The following PDE4D variants were observed in gnomAD, a reference collection of about 807,000 sequenced individuals.
The protein encoded by PDE4D is phosphodiesterase 4D, also known as 3',5'-cyclic-AMP phosphodiesterase 4D.
In PDE4D, 24 loss-of-function variants were observed where a neutral mutation model predicts 87.4. The observed-to-expected ratio is 0.27, with a 90% CI of 0.20 to 0.39. PDE4D has a LOEUF of 0.39. Among genes scored for constraint, PDE4D ranks in the 10% least tolerant of loss-of-function variants. PDE4D has a pLI of 1.00. For synonymous variants in PDE4D, 384 were observed against 383.2 expected (o/e 1.00, Z -0.02); for missense variants, 714 against 1,041.0 (o/e 0.69, Z 4.32).
At chr5:59,771,499 G>GAGAGAGAGAAGAAAGAAAGAAAGA (rs1554081503) in intron 1 of PDE4D, among the ~76,000 whole-genome samples, 4 of 19,726 alleles carry the variant, frequency 2.0e-4, no homozygotes, top group Non-Finnish European at 3.6e-4. Context: ...GAGAGAGAGA[G>GAGAGAGAGAAGAAAGAAAGAAAGA]AAGAAAGAAA....
intron 1 of PDE4D, among the ~76,000 whole-genome samples, chr5:59,845,876 G>C (rs947136643): frequency 2.0e-5 from 3 of 151,986 alleles, no homozygotes; most frequent in Non-Finnish European, 4.4e-5. Flanking sequence ...TTTTCCCTGG[G>C]TTTCAAAGCC....
At chr5:60,299,260 A>G (rs953570458) in intron 1 of PDE4D, among the ~76,000 whole-genome samples, 1 of 152,252 alleles carries the variant, frequency 6.6e-6, no homozygotes, top group Non-Finnish European at 1.5e-5. Context: ...TCAATTCCAT[A>G]ATCTTAAGAG....
chr5:60,005,000 C>A (rs1764338843), intron 2 of PDE4D, among the ~76,000 whole-genome samples: 1 of 152,166 alleles, frequency 6.6e-6, no homozygotes, highest in Admixed American at 6.6e-5. Flanking sequence ...GATGTCTGCA[C>A]TGTCGTCTTC....
At chr5:60,347,949 G>A (rs922737433) in intron 1 of PDE4D, among the ~76,000 whole-genome samples, 1 of 152,100 alleles carries the variant, frequency 6.6e-6, no homozygotes, top group Non-Finnish European at 1.5e-5. Flanking sequence ...TGCCGTTTTT[G>A]GAGTAATCAC....
chr5:60,502,479 A>G (rs550475243), intron 1 of PDE4D, among the ~76,000 whole-genome samples: 35 of 152,112 alleles, frequency 2.3e-4, no homozygotes, highest in African/African-American at 8.2e-4. Flanking sequence ...TTGACTTGGC[A>G]ATGCGGGATC....
At chr5:59,548,308 T>C (rs562895282) in intron 1 of PDE4D, among the ~76,000 whole-genome samples, 1 of 152,336 alleles carries the variant, frequency 6.6e-6, no homozygotes, top group East Asian at 1.9e-4. Flanking sequence ...TCACTCTTGC[T>C]TACTTACTCT....
chr5:60,214,614 T>C (rs1284238595), intron 1 of PDE4D, among the ~76,000 whole-genome samples: 3 of 152,140 alleles, frequency 2.0e-5, no homozygotes, highest in African/African-American at 7.2e-5. Context: ...AACTGCAAAG[T>C]ATGAAATAGT....
intron 3 of PDE4D, among the ~76,000 whole-genome samples, chr5:59,980,263 ACTAT>A (rs1268291470): frequency 1.3e-5 from 2 of 152,216 alleles, no homozygotes; most frequent in Non-Finnish European, 2.9e-5. Context: ...TTGCAAAGAA[ACTAT>A]CTATGGAGTG....
intron 1 of PDE4D, among the ~76,000 whole-genome samples, chr5:59,387,507 A>G (rs1456947633): frequency 6.6e-6 from 1 of 152,168 alleles, no homozygotes; most frequent in Non-Finnish European, 1.5e-5. Flanking sequence ...TCTCAATGAG[A>G]AAGAAAGAGG....
At chr5:60,071,042 T>G (rs944566365) in intron 2 of PDE4D, among the ~76,000 whole-genome samples, 1 of 150,894 alleles carries the variant, frequency 6.6e-6, no homozygotes, top group African/African-American at 2.5e-5. Flanking sequence ...CTTTCATTTC[T>G]GATTTTTTTA....
rs187174803 is a variant in PDE4D at position 59,268,212 on chromosome 5, A to G, written c.456-52244T>C. On this transcript the variant is annotated intron_variant, in intron 1 of 14. Transcript: ENST00000340635. ...TCCTCAGCCATCACCCAGGATGCTC[A>G]TTAGGGAGCCAATCCCCTTAGAAGG... Among the ~76,000 whole-genome samples the G allele has an allele frequency of 2.2e-4, 34 of 152,234 alleles. No homozygotes were observed. In the East Asian group the frequency reaches 5.8e-3, roughly 26 times the overall value.
At chr5:59,384,716 T>G (rs1234242281) in intron 1 of PDE4D, among the ~76,000 whole-genome samples, 1 of 152,142 alleles carries the variant, frequency 6.6e-6, no homozygotes, top group Non-Finnish European at 1.5e-5. Flanking sequence ...CTCAAGTCAT[T>G]TTGTTTCTGC....
chr5:60,241,117 A>G (rs1412671976), intron 1 of PDE4D, among the ~76,000 whole-genome samples: 1 of 152,150 alleles, frequency 6.6e-6, no homozygotes, highest in Non-Finnish European at 1.5e-5. Context: ...CAACCCAAAG[A>G]AATTCAAGAT....
chr5:59,591,116 G>A (rs1251768154), intron 1 of PDE4D, among the ~76,000 whole-genome samples: 2 of 151,996 alleles, frequency 1.3e-5, no homozygotes, highest in African/African-American at 4.8e-5. Context: ...GCTTTAACTA[G>A]TTTTATCTCA....
intron 1 of PDE4D, among the ~76,000 whole-genome samples, chr5:59,361,577 A>C (rs1479609556): frequency 1.3e-5 from 2 of 152,154 alleles, no homozygotes; most frequent in Non-Finnish European, 2.9e-5. Flanking sequence ...CTTCCTCCGG[A>C]AGTCTTCCCT....
intron 1 of PDE4D, among the ~76,000 whole-genome samples, chr5:59,621,654 A>G (rs1830369464): frequency 6.6e-6 from 1 of 152,154 alleles, no homozygotes; most frequent in Non-Finnish European, 1.5e-5. Flanking sequence ...TTTCCTGGGA[A>G]GTCTAAGGTT....
intron 1 of PDE4D, among the ~76,000 whole-genome samples, chr5:60,354,321 C>T (rs1302668582): frequency 6.6e-6 from 1 of 152,146 alleles, no homozygotes; most frequent in Non-Finnish European, 1.5e-5. Flanking sequence ...AAGTGTGTAA[C>T]AGAAAATGGC....
intron 1 of PDE4D, among the ~76,000 whole-genome samples, chr5:59,708,086 G>A (rs1256923294): frequency 6.6e-6 from 1 of 152,128 alleles, no homozygotes; most frequent in Non-Finnish European, 1.5e-5. Flanking sequence ...CAGTGTAAAA[G>A]CGTTCCTACT....
At chr5:60,154,492 T>A (rs578000444) in intron 2 of PDE4D, among the ~76,000 whole-genome samples, 303 of 152,270 alleles carry the variant, frequency 2.0e-3, no homozygotes, top group African/African-American at 7.0e-3. Flanking sequence ...GCCAGGCTGG[T>A]CTGGAACTCC....
Sources: gnomAD v4.1 joint callset for allele counts (sites outside exome capture counted in the v4.1 genomes callset) on GRCh38, gnomAD v4.1.1 for gene constraint, MANE v1.5 for transcripts, NCBI Gene and HGNC (gene_info 2026-07-23, HGNC 2026-07-21) for gene names.